Variants in TMEM106C observed in about 807,000 individuals in gnomAD.
TMEM106C encodes the protein endoplasmic reticulum membrane protein overexpressed in cancer.
Under a neutral mutation model 30.8 loss-of-function variants are expected in TMEM106C, and 27 were observed. The ratio of observed to expected loss-of-function variants is 0.88; its 90% confidence interval spans 0.65 to 1.21. TMEM106C has a LOEUF of 1.21. Among genes scored for constraint, TMEM106C ranks in the 50% most tolerant of loss-of-function variants. The probability of loss-of-function intolerance (pLI) is 0.00; values close to 1 mark genes in which losing one functional copy is unlikely to be tolerated. For synonymous variants in TMEM106C, 123 were observed against 118.8 expected (o/e 1.04, Z -0.23); for missense variants, 288 against 307.8 (o/e 0.94, Z 0.48).
chr12:47,965,160 A>G (rs1023354658), intron 2 of TMEM106C, 122 bp from the exon 3 acceptor site: 6 of 731,274 alleles, frequency 8.2e-6, no homozygotes, highest in Non-Finnish European at 1.1e-5. Context: ...TGTGAATTTC[A>G]CTAGTATTTT....
At position 47,966,140 on chromosome 12, in the gene TMEM106C, C is replaced by T; in HGVS notation, c.463C>T (p.Leu155=). The change falls in exon 5 of 8, where the codon CTG becomes TTG. Residue 155 remains leucine (L), a synonymous_variant. Coordinates refer to ENST00000429772, the MANE Select transcript of TMEM106C (RefSeq NM_001143842.2). ...CTTCTACACGGTGGCAGTGACCAGC[C>T]TGTCCAGCCAGATTCAGTACATGAA... ...SNFYTVAVTS[L]SSQIQYMNTV... The T allele has an allele frequency of 6.2e-7, 1 of 1,614,210 alleles. No homozygotes were observed.
Position 47,964,264 on chromosome 12 carries a change from C to T in TMEM106C, c.28C>T (p.Arg10Cys). ...GGGGTCTCAGCATTCCGCTGCTGCTCGCCCCTCCTCCTGCAGGCGAAAGCA... is the reference window on the plus strand; with the variant it reads ...GGGGTCTCAGCATTCCGCTGCTGCTTGCCCCTCCTCCTGCAGGCGAAAGCA... MGSQHSAAARPSSCRRKQED... is the reference protein window; with the variant it reads MGSQHSAAACPSSCRRKQED... The change falls in exon 2 of 8, where the codon CGC becomes TGC. Residue 10 changes from arginine (R) to cysteine (C), a missense_variant. By Grantham distance (180) the Arg-to-Cys change is radical (BLOSUM62 -3). Transcript: ENST00000429772. 3 of 1,613,684 alleles carry T rather than the reference C, an allele frequency of 1.9e-6. No individual in the cohort carries two copies. The highest frequency in any genetic ancestry group is 2.5e-6 in the Non-Finnish European group (3 of 1,179,784).
chr12:47,965,876 T>A lies in TMEM106C; in HGVS notation c.290T>A (p.Leu97Gln). 3 of 1,614,268 alleles carry A rather than the reference T, an allele frequency of 1.9e-6. No homozygotes were observed. The highest frequency in any genetic ancestry group is 2.5e-6 in the Non-Finnish European group (3 of 1,180,040). Residue 97 changes from leucine (L) to glutamine (Q), a missense_variant, in exon 4 of 8, where the codon CTG becomes CAG. Physicochemically the swap from Leu to Gln is moderately radical, Grantham distance 113. Transcript: ENST00000429772. The part of the protein sequence containing the change: ...YVLLSILLCL[L>Q]ASGLVVFFLF... ...CTCCTGTCCATCCTGCTTTGTCTCCTGGCATCTGGTTTGGTGGTTTTCTTC... is the reference window on the plus strand; with the variant it reads ...CTCCTGTCCATCCTGCTTTGTCTCCAGGCATCTGGTTTGGTGGTTTTCTTC...
Position 47,966,090 on chromosome 12 carries a change from C to T in TMEM106C, c.413C>T (p.Ala138Val). The T allele has an allele frequency of 6.2e-7, 1 of 1,614,230 alleles. No homozygotes were observed. The change falls in exon 5 of 8, where the codon GCC (alanine) becomes GTC (valine). Residue 138 changes from alanine to valine, a missense_variant and splice_region_variant. Coordinates refer to ENST00000429772, the MANE Select transcript of TMEM106C (RefSeq NM_001143842.2). ...QDSLVILTIMATLKIRNSNFY... is the reference protein window; with the variant it reads ...QDSLVILTIMVTLKIRNSNFY... The stretch of plus-strand genomic sequence containing the variant: ...GTTTCCTGACTTGCCCTGATGTAGG[C>T]CACCCTGAAAATCAGGAACTCCAAC...
intron 7 of TMEM106C, among the ~76,000 whole-genome samples, chr12:47,967,636 G>C (rs749469145): frequency 6.6e-6 from 1 of 152,172 alleles, no homozygotes; most frequent in Non-Finnish European, 1.5e-5. Context: ...TGGACCTTTA[G>C]GGTTGTTTTC....
intron 6 of TMEM106C, 36 bp downstream of exon 6, chr12:47,966,768 T>C (rs1938240422): frequency 6.2e-7 from 1 of 1,611,262 alleles, no homozygotes; most frequent in Non-Finnish European, 8.5e-7. Flanking sequence ...TGCTCTCTAC[T>C]GGAGGAAAGG....
chr12:47,968,009 G>A, intron 7 of TMEM106C, 124 bp from the exon 8 acceptor site: 1 of 656,220 alleles, frequency 1.5e-6, no homozygotes, highest in South Asian at 1.8e-5. Context: ...ACATAACCAT[G>A]AGGATATGTG....
Position 47,964,343 on chromosome 12 carries a change from C to T in TMEM106C, c.107C>T (p.Ala36Val). 6.2e-7 allele frequency: 1 copy of T among 1,614,190 alleles called. No homozygotes were observed. The highest frequency in any genetic ancestry group is 1.1e-5 in the South Asian group (1 of 91,070). The change falls in exon 2 of 8, where the codon GCT (alanine) becomes GTT (valine). Residue 36 changes from alanine (A) to valine (V), a missense_variant. By Grantham distance (64) the Ala-to-Val change is moderately conservative. Transcript: ENST00000429772. ...LAEREQEEAI[A>V]QFPYVEFTGR... ...GAACGAGAGCAGGAAGAAGCCATTG[C>T]TCAGTTCCCATATGTGGAATTCACC...
chr12:47,968,065 TG>T, intron 7 of TMEM106C, 67 bp from the exon 8 acceptor site: 1 of 1,365,394 alleles, frequency 7.3e-7, no homozygotes. Context: ...AAAAATTTCC[TG>T]GGACATTTTT....
rs2136476807 is a variant in TMEM106C, at chr12:47,963,669, G to C, written c.-64G>C. ...AAGCTGGCAGGTGGTCGGGGGAGCG[G>C]CCGGAGAGGAGCTGCCGGGAGTTCG... On this transcript the variant is annotated 5_prime_UTR_variant, in exon 1 of 8. Transcript: ENST00000429772. The C allele has an allele frequency of 6.5e-6, 1 of 153,636 alleles. No homozygotes were observed. The highest frequency in any genetic ancestry group is 2.4e-5 in the African/African-American group (1 of 41,600). 9.5% of individuals were successfully genotyped at this position (153,636 alleles called of 1,614,324 possible). A position where few individuals can be genotyped will look rare whatever the true frequency, so the allele number is the denominator to read the frequency against.
chr12:47,964,533 G>A, intron 2 of TMEM106C, 110 bp downstream of exon 2: 1 of 993,510 alleles, frequency 1.0e-6, no homozygotes, highest in Non-Finnish European at 1.5e-6. Context: ...TAGAGACAGT[G>A]CCCTGGACAG....
chr12:47,965,439 A>G (rs1472256126), intron 3 of TMEM106C, 94 bp downstream of exon 3: 5 of 1,166,980 alleles, frequency 4.3e-6, no homozygotes, highest in East Asian at 2.4e-5. Context: ...AAAACTACAC[A>G]TGTTCTTATA....
intron 1 of TMEM106C, 91 bp from the exon 2 acceptor site, chr12:47,964,118 A>G (rs1938139154): frequency 9.5e-6 from 11 of 1,163,690 alleles, no homozygotes; most frequent in Non-Finnish European, 1.3e-5. Flanking sequence ...GCAACTTGTC[A>G]TTTTTGCGTT....
At chr12:47,967,744 C>T (rs997706310) in intron 7 of TMEM106C, among the ~76,000 whole-genome samples, 1 of 152,124 alleles carries the variant, frequency 6.6e-6, no homozygotes, top group South Asian at 2.1e-4. Flanking sequence ...GCACTACGAA[C>T]ATTTTGGGCC....
At position 47,967,260 on chromosome 12, in the gene TMEM106C, C is replaced by A. The variant is rs549670817; in HGVS notation, c.655C>A (p.Arg219=). Residue 219 remains arginine (R), a splice_region_variant and synonymous_variant, in exon 7 of 8, where the codon CGA becomes AGA. Transcript: ENST00000429772. ...ILVHNIVIFM[R]TSVKISYIGL... ...GGTGCACAACATAGTGATCTTCATG[C>A]GGTGCGTCTCTCTTCCCTATCCCGA... The A allele has an allele frequency of 2.5e-6, 4 of 1,614,102 alleles. No homozygotes were observed. The highest frequency in any genetic ancestry group is 3.4e-6 in the Non-Finnish European group (4 of 1,179,954).
At chr12:47,965,118 ACT>A (rs1191905271) in intron 2 of TMEM106C, among the ~76,000 whole-genome samples, 162 bp from the exon 3 acceptor site, 1 of 152,090 alleles carries the variant, frequency 6.6e-6, no homozygotes, top group African/African-American at 2.4e-5. Context: ...AATTTGTGGC[ACT>A]CTCTTGTTTC....
At chr12:47,966,837 A>G (rs2286024) in intron 6 of TMEM106C, 105 bp downstream of exon 6, 714,144 of 1,246,954 alleles carry the variant, frequency 0.57, 206,764 homozygotes, top group East Asian at 0.84. Context: ...TCAGCTTTTG[A>G]CTTATAGGTT....
Position 47,965,910 on chromosome 12 carries a change from G to T in TMEM106C, c.324G>T (p.Pro108=). The change falls in exon 4 of 8, where the codon CCG becomes CCT. Residue 108 remains proline, a synonymous_variant. Coordinates refer to ENST00000429772, the MANE Select transcript of TMEM106C (RefSeq NM_001143842.2). ...GTTTGGTGGTTTTCTTCCTGTTTCCGCATTCAGTCCTTGTGGATGATGACG... is the reference window on the plus strand; with the variant it reads ...GTTTGGTGGTTTTCTTCCTGTTTCCTCATTCAGTCCTTGTGGATGATGACG... ...ASGLVVFFLF[P]HSVLVDDDGI... 9 of 1,614,168 alleles carry T rather than the reference G, an allele frequency of 5.6e-6. No individual in the cohort carries two copies. The highest frequency in any genetic ancestry group is 6.8e-6 in the Non-Finnish European group (8 of 1,180,044).
chr12:47,967,105 A>G lies in TMEM106C; in HGVS notation c.603-103A>G, dbSNP rs1938253598. The G allele has an allele frequency of 2.5e-6, 3 of 1,207,690 alleles. No individual in the cohort carries two copies. In the African/African-American group the frequency reaches 4.6e-5, roughly 18 times the overall value. 74.8% of individuals were successfully genotyped at this position (1,207,690 alleles called of 1,614,324 possible). A position where few individuals can be genotyped will look rare whatever the true frequency, so the allele number is the denominator to read the frequency against. ...AAGCCTTGGCAGCACTTAGGTCGGA[A>G]GGGGGAGGGGGGCACCCCAAACAGG... is the stretch of plus-strand genomic sequence containing the variant. On this transcript the variant is annotated intron_variant, in intron 6 of 7. Transcript: ENST00000429772.
Sources: allele counts gnomAD v4.1 joint callset (sites outside exome capture counted in the v4.1 genomes callset), GRCh38; gene constraint gnomAD v4.1.1; transcripts MANE v1.5; gene names NCBI Gene and HGNC (gene_info 2026-07-23, HGNC 2026-07-21).